Variants in BANK1 observed in about 807,000 individuals in gnomAD.
BANK1 encodes the protein B-cell scaffold protein with ankyrin repeats.
BANK1 carries 95 observed loss-of-function variants against 94.5 expected under a neutral mutation model. That is an observed-to-expected ratio of 1.00 (90% CI 0.85 to 1.19). The LOEUF is 1.19. BANK1 is among the 50% of genes most tolerant of loss of function. The pLI is 0.00. For missense variants in BANK1, 987 were observed against 932.2 expected, an observed-to-expected ratio of 1.06 and a Z score of -0.77; for synonymous variants, 334 against 308.4, an observed-to-expected ratio of 1.08 and a Z score of -0.87.
intron 5 of BANK1, among the ~76,000 whole-genome samples, chr4:101,883,098 T>C (rs1206038909): frequency 6.6e-6 from 1 of 152,218 alleles, no homozygotes; most frequent in Admixed American, 6.5e-5. Flanking sequence ...TTGAAGCTTG[T>C]ATTTTACTGA....
chr4:101,926,512 A>T (rs548015964), intron 7 of BANK1, among the ~76,000 whole-genome samples: 2 of 151,888 alleles, frequency 1.3e-5, no homozygotes, highest in South Asian at 2.1e-4. Flanking sequence ...GACTCAACGA[A>T]TATTTATTGA....
chr4:102,074,718 ATAAAT>A lies in BANK1; in HGVS notation c.*721_*725del, dbSNP rs1728867176. 6.6e-6 allele frequency: 1 copy of A among 151,572 alleles called. No individual in the cohort carries two copies. Among genetic ancestry groups the A allele is most frequent in the African/African-American group, 2.4e-5 (1 of 41,446 alleles). 9.4% of individuals were successfully genotyped at this position (151,572 alleles called of 1,614,324 possible). ...TAATTTTCATGTACAAATGCCACAA[ATAAAT>A]TGAATGTTTAAAGCTATGTCTGAGT... On this transcript the variant is annotated 3_prime_UTR_variant, in exon 17 of 17. Coordinates refer to ENST00000322953, the MANE Select transcript of BANK1 (RefSeq NM_017935.5).
intron 7 of BANK1, among the ~76,000 whole-genome samples, chr4:102,016,259 A>G (rs1011087671): frequency 6.6e-6 from 1 of 152,198 alleles, no homozygotes; most frequent in African/African-American, 2.4e-5. Flanking sequence ...CCTAATCTAT[A>G]TTGTTTGTCT....
At chr4:101,844,636 T>A (rs1727178547) in intron 2 of BANK1, among the ~76,000 whole-genome samples, 1 of 152,228 alleles carries the variant, frequency 6.6e-6, no homozygotes, top group South Asian at 2.1e-4. Context: ...GCTTTGTGAC[T>A]TATGACAATT....
At chr4:101,806,176 AG>A (rs1195764999) in intron 1 of BANK1, among the ~76,000 whole-genome samples, 1 of 151,998 alleles carries the variant, frequency 6.6e-6, no homozygotes, top group Non-Finnish European at 1.5e-5. Context: ...ATGTACTTCT[AG>A]GTTTTTTATA....
At chr4:101,948,227 A>C (rs947870086) in intron 7 of BANK1, among the ~76,000 whole-genome samples, 1 of 152,112 alleles carries the variant, frequency 6.6e-6, no homozygotes, top group Admixed American at 6.6e-5. Context: ...AAATTGTAGT[A>C]ATTGTGGGGG....
At position 101,830,094 on chromosome 4, in the gene BANK1, G is replaced by T; in HGVS notation, c.357G>T (p.Lys119Asn). ...KSVVTLLCGV[K>N]SSDQLYELLN... is the part of the protein sequence containing the mutation. ...TAGTTACTTTGCTTTGTGGAGTGAA[G>T]AGTTCAGATCAGCTCTATGAATTAC... Residue 119 changes from lysine (K) to asparagine (N), a missense_variant, in exon 2 of 17, where the codon AAG (lysine) becomes AAT (asparagine). Coordinates refer to ENST00000322953, the MANE Select transcript of BANK1 (RefSeq NM_017935.5). The T allele has an allele frequency of 1.2e-6, 2 of 1,613,878 alleles. No homozygotes were observed. The highest frequency in any genetic ancestry group is 1.7e-6 in the Non-Finnish European group (2 of 1,179,906).
intron 12 of BANK1, among the ~76,000 whole-genome samples, chr4:102,061,002 T>C (rs1728401523): frequency 1.3e-5 from 2 of 152,216 alleles, no homozygotes; most frequent in African/African-American, 4.8e-5. Context: ...TAGTGAGAGA[T>C]AACACGGTCA....
At chr4:101,978,170 A>G (rs1725201061) in intron 7 of BANK1, among the ~76,000 whole-genome samples, 1 of 152,032 alleles carries the variant, frequency 6.6e-6, no homozygotes, top group Non-Finnish European at 1.5e-5. Context: ...GAAAAAAAGA[A>G]AACAATGAAA....
intron 10 of BANK1, among the ~76,000 whole-genome samples, chr4:102,038,429 T>C (rs761714826): frequency 2.0e-5 from 3 of 152,204 alleles, no homozygotes; most frequent in East Asian, 1.9e-4. Context: ...TCCATACTTA[T>C]ACCATTTCCT....
At chr4:102,058,288 G>A (rs1327949538) in intron 11 of BANK1, among the ~76,000 whole-genome samples, 4 of 151,984 alleles carry the variant, frequency 2.6e-5, no homozygotes, top group Non-Finnish European at 5.9e-5. Flanking sequence ...TTGATCAAAT[G>A]TAAATACTTG....
chr4:101,990,569 A>G (rs1725665644), intron 7 of BANK1, among the ~76,000 whole-genome samples: 1 of 152,190 alleles, frequency 6.6e-6, no homozygotes, highest in Non-Finnish European at 1.5e-5. Flanking sequence ...AAGATGGAGT[A>G]CATTTTTCCT....
chr4:101,931,299 C>T lies in BANK1; in HGVS notation c.1206+13110C>T, dbSNP rs185311324. On this transcript the variant is annotated intron_variant, in intron 7 of 16. Transcript: ENST00000322953. ...AGTCTGAGCAAAGCAGATTGCTTTT[C>T]CAAATATCAGTGAGCTTCATCCAAT... Among the ~76,000 whole-genome samples the T allele has an allele frequency of 8.6e-5, 13 of 151,656 alleles. No homozygotes were observed. In the East Asian group the frequency reaches 2.5e-3, roughly 30 times the overall value.
At chr4:101,993,599 T>C (rs1205412132) in intron 7 of BANK1, among the ~76,000 whole-genome samples, 1 of 152,192 alleles carries the variant, frequency 6.6e-6, no homozygotes, top group East Asian at 1.9e-4. Context: ...TGCATGCTGA[T>C]AGAGCACTTT....
At chr4:101,854,384 A>T (rs74698692) in intron 2 of BANK1, among the ~76,000 whole-genome samples, 4,931 of 152,308 alleles carry the variant, frequency 0.032, 283 homozygotes, top group African/African-American at 0.11. Flanking sequence ...TTTTAAAATC[A>T]GATGCTATGC....
At position 102,057,322 on chromosome 4, in the gene BANK1, CTCTCTCTCTCTCTCTT is replaced by C. The variant is rs1271253219; in HGVS notation, c.1970-2876_1970-2861del. Reference sequence around the variant, plus strand: ...TTTCTCTCTCCCTGTTTCTCTATTTCTCTCTCTCTCTCTCTTTCTCTCTCTCTCGCTTTCTCTCTCT... The same window carrying C: ...TTTCTCTCTCCCTGTTTCTCTATTTCTCTCTCTCTCTCGCTTTCTCTCTCT... On this transcript the variant is annotated intron_variant, in intron 11 of 16. Coordinates refer to ENST00000322953, the MANE Select transcript of BANK1 (RefSeq NM_017935.5). Among the ~76,000 whole-genome samples the C allele has an allele frequency of 1.3e-4, 19 of 147,918 alleles. No homozygotes were observed. The South Asian group carries it at 4.0e-3, about 31-fold the overall frequency.
intron 1 of BANK1, among the ~76,000 whole-genome samples, chr4:101,804,211 C>G (rs991450844): frequency 4.6e-5 from 7 of 151,838 alleles, no homozygotes; most frequent in Non-Finnish European, 7.4e-5. Flanking sequence ...AGAATGTAGA[C>G]AACTATAAAG....
chr4:102,061,135 C>G (rs1728406027), intron 12 of BANK1, among the ~76,000 whole-genome samples: 1 of 152,106 alleles, frequency 6.6e-6, no homozygotes, highest in South Asian at 2.1e-4. Flanking sequence ...ATTTAATAAG[C>G]AAATTTAGGC....
At chr4:101,985,851 T>G (rs1276457289) in intron 7 of BANK1, among the ~76,000 whole-genome samples, 1 of 152,140 alleles carries the variant, frequency 6.6e-6, no homozygotes, top group Non-Finnish European at 1.5e-5. Context: ...TGAGTCTTTG[T>G]TTACTTTATG....
Sources: allele counts gnomAD v4.1 joint callset (sites outside exome capture counted in the v4.1 genomes callset), GRCh38; gene constraint gnomAD v4.1.1; transcripts MANE v1.5; gene names NCBI Gene and HGNC (gene_info 2026-07-23, HGNC 2026-07-21).